Variants in ZNF143 observed in about 807,000 individuals in gnomAD.
ZNF143 encodes zinc finger protein 143, also known as SPH-binding factor.
Under a neutral mutation model 74.1 loss-of-function variants are expected in ZNF143, and 49 were observed. That is an observed-to-expected ratio of 0.66 (90% CI 0.53 to 0.84). ZNF143 has a LOEUF of 0.84. Among genes scored for constraint, ZNF143 ranks in the 40% least tolerant of loss-of-function variants. The pLI, the probability that ZNF143 is intolerant of heterozygous loss-of-function variation, is 0.00. For synonymous variants in ZNF143, 304 were observed against 282.8 expected (o/e 1.07, Z -0.75); for missense variants, 637 against 793.4 (o/e 0.80, Z 2.37).
At chr11:9,492,105 ATTTTTTTT>A (rs34432476) in intron 7 of ZNF143, among the ~76,000 whole-genome samples, 4 of 100,238 alleles carry the variant, frequency 4.0e-5, no homozygotes, top group African/African-American at 1.2e-4. Flanking sequence ...CACCTGGCTA[ATTTTTTTT>A]TTTTTTTTTT....
At chr11:9,494,502 G>A (rs1341656231) in intron 7 of ZNF143, 144 bp from the exon 8 acceptor site, 2 of 691,328 alleles carry the variant, frequency 2.9e-6, no homozygotes, top group African/African-American at 1.8e-5. Context: ...ATAGAGACAG[G>A]GTTTTGTCAT....
chr11:9,469,320 C>T (rs1308747138), intron 1 of ZNF143, among the ~76,000 whole-genome samples: 1 of 150,348 alleles, frequency 6.7e-6, no homozygotes, highest in Non-Finnish European at 1.5e-5. Context: ...CAACCTCCAC[C>T]TCCCGGGTTC....
intron 11 of ZNF143, among the ~76,000 whole-genome samples, chr11:9,503,124 C>T (rs901974542): frequency 6.6e-6 from 1 of 152,164 alleles, no homozygotes; most frequent in Non-Finnish European, 1.5e-5. Context: ...AGCCACCGCT[C>T]CTAGCCTGCA....
chr11:9,486,598 T>G (rs578213077), intron 7 of ZNF143, among the ~76,000 whole-genome samples: 1 of 142,432 alleles, frequency 7.0e-6, no homozygotes, highest in East Asian at 2.0e-4. Context: ...CCATGTAAGA[T>G]TTTATCTGCG....
intron 3 of ZNF143, among the ~76,000 whole-genome samples, chr11:9,473,131 C>T (rs914518531): frequency 6.6e-6 from 1 of 152,034 alleles, no homozygotes; most frequent in African/African-American, 2.4e-5. Context: ...TGGTTCACGC[C>T]TGTAATCCCA....
At chr11:9,510,992 A>G (rs1456992171) in intron 12 of ZNF143, among the ~76,000 whole-genome samples, 5 of 151,976 alleles carry the variant, frequency 3.3e-5, no homozygotes, top group African/African-American at 7.3e-5. Context: ...GCAATCAATC[A>G]GTTGTGCTAA....
At chr11:9,469,470 G>A (rs1015564889) in intron 1 of ZNF143, among the ~76,000 whole-genome samples, 4 of 151,940 alleles carry the variant, frequency 2.6e-5, no homozygotes, top group African/African-American at 7.3e-5. Flanking sequence ...GACCTCAGGT[G>A]ATCCACCCAC....
chr11:9,496,223 G>A (rs906326409), intron 8 of ZNF143, 80 bp from the exon 9 acceptor site: 6 of 1,267,220 alleles, frequency 4.7e-6, no homozygotes, highest in South Asian at 1.2e-5. Flanking sequence ...AGCAGTGTGG[G>A]AAAAAGTAGT....
intron 11 of ZNF143, among the ~76,000 whole-genome samples, chr11:9,506,669 A>G (rs1256397286): frequency 3.3e-5 from 5 of 152,188 alleles, no homozygotes; most frequent in Admixed American, 3.3e-4. Context: ...GTATGCAGTT[A>G]TAAATGTTGG....
chr11:9,501,864 G>GT (rs1589918132), intron 11 of ZNF143, among the ~76,000 whole-genome samples: 1 of 149,824 alleles, frequency 6.7e-6, no homozygotes, highest in Non-Finnish European at 1.5e-5. Flanking sequence ...CAAAGTTAAG[G>GT]TACTTCTTAA....
intron 2 of ZNF143, among the ~76,000 whole-genome samples, chr11:9,472,326 C>T (rs1012852012): frequency 3.3e-5 from 5 of 152,134 alleles, no homozygotes; most frequent in Admixed American, 2.0e-4. Context: ...AATCTCGGCT[C>T]ACTGCAACCT....
At chr11:9,481,401 A>G (rs1422898009) in intron 7 of ZNF143, among the ~76,000 whole-genome samples, 1 of 151,828 alleles carries the variant, frequency 6.6e-6, no homozygotes, top group Non-Finnish European at 1.5e-5. Context: ...CCTCCCAAAA[A>G]ATGAGACTTC....
Position 9,504,608 on chromosome 11 carries a change from T to G in ZNF143, c.1147+3338T>G, listed in dbSNP as rs1848285483. On this transcript the variant is annotated intron_variant, in intron 11 of 15. Transcript: ENST00000396602. ...TATAAGAAAAATTTTAATATATTGTTTTATTACTGGTATTAAGAGTAAACT... is the reference window on the plus strand; with the variant it reads ...TATAAGAAAAATTTTAATATATTGTGTTATTACTGGTATTAAGAGTAAACT... Among the ~76,000 whole-genome samples the G allele has an allele frequency of 1.6e-5, 2 of 126,444 alleles. 1 individual carries two copies. Among genetic ancestry groups the G allele is most frequent in the Non-Finnish European group, 3.7e-5 (2 of 53,532 alleles). The allele number at this position is 126,444 out of a possible 152,430, so 83.0% of individuals were successfully genotyped here.
At chr11:9,490,376 A>G (rs1302979807) in intron 7 of ZNF143, among the ~76,000 whole-genome samples, 1 of 148,162 alleles carries the variant, frequency 6.7e-6, no homozygotes, top group African/African-American at 2.5e-5. Context: ...TGCAGCCTCA[A>G]CCTCCTGGGT....
At chr11:9,516,662 A>G (rs550415614) in intron 14 of ZNF143, among the ~76,000 whole-genome samples, 16 of 152,256 alleles carry the variant, frequency 1.1e-4, no homozygotes, top group African/African-American at 2.4e-4. Context: ...TCATTATCAG[A>G]TACTTAGGAA....
At chr11:9,514,627 G>C (rs1211137049) in intron 13 of ZNF143, among the ~76,000 whole-genome samples, 2 of 152,180 alleles carry the variant, frequency 1.3e-5, no homozygotes, top group Non-Finnish European at 2.9e-5. Context: ...TAAGAGAATG[G>C]GTGTTCAGTT....
intron 12 of ZNF143, among the ~76,000 whole-genome samples, chr11:9,511,097 A>G: frequency 7.1e-6 from 1 of 141,336 alleles, no homozygotes; most frequent in African/African-American, 2.6e-5. Flanking sequence ...CACTTTTAAC[A>G]GCTTCTTTTT....
intron 10 of ZNF143, among the ~76,000 whole-genome samples, chr11:9,498,596 C>T (rs909399202): frequency 1.3e-5 from 2 of 152,056 alleles, no homozygotes; most frequent in Non-Finnish European, 2.9e-5. Flanking sequence ...CCTCCCCGAC[C>T]ATCTCCTCTC....
At chr11:9,525,730 C>G (rs1049975739) in intron 15 of ZNF143, among the ~76,000 whole-genome samples, 3 of 152,146 alleles carry the variant, frequency 2.0e-5, no homozygotes, top group African/African-American at 7.2e-5. Context: ...AGAGAAAAAC[C>G]TAGTGGAAAC....
Sources: allele counts gnomAD v4.1 joint callset (sites outside exome capture counted in the v4.1 genomes callset), GRCh38; gene constraint gnomAD v4.1.1; transcripts MANE v1.5; gene names NCBI Gene and HGNC (gene_info 2026-07-23, HGNC 2026-07-21).